Variants in ZC3H15 observed in about 807,000 individuals in gnomAD.
ZC3H15 encodes zinc finger CCCH-type containing 15.
Under a neutral mutation model 51.2 loss-of-function variants are expected in ZC3H15, and 15 were observed. The observed-to-expected ratio is 0.29, with a 90% CI of 0.20 to 0.45. The LOEUF is 0.45. Ranked by LOEUF, ZC3H15 falls within the 20% of genes least tolerant of loss-of-function variation. ZC3H15 has a pLI of 1.00. For missense variants in ZC3H15, 381 were observed against 494.7 expected (o/e 0.77, Z 2.18); for synonymous variants, 144 against 162.8 (o/e 0.88, Z 0.88).
At chr2:186,501,774 C>G (rs550733888) in intron 4 of ZC3H15, among the ~76,000 whole-genome samples, 1 of 151,452 alleles carries the variant, frequency 6.6e-6, no homozygotes, top group African/African-American at 2.4e-5. Context: ...TGCAGTGGCA[C>G]GATCTCAGCT....
chr2:186,495,505 A>G (rs1685267760), intron 2 of ZC3H15, among the ~76,000 whole-genome samples, 171 bp downstream of exon 2: 1 of 152,196 alleles, frequency 6.6e-6, no homozygotes, highest in African/African-American at 2.4e-5. Flanking sequence ...ATATTGTCCA[A>G]GCCATTTTGA....
rs1175862959 is a variant in ZC3H15 at position 186,500,310 on chromosome 2, A to G, written c.289+17A>G. The G allele has an allele frequency of 1.9e-6, 3 of 1,572,414 alleles. No homozygotes were observed. In the African/African-American group the frequency reaches 4.1e-5, roughly 22 times the overall value. On this transcript the variant is annotated intron_variant, in intron 3 of 9. Coordinates refer to ENST00000337859, the MANE Select transcript of ZC3H15 (RefSeq NM_018471.3). The stretch of plus-strand genomic sequence containing the variant: ...TAAGTAAAGGTAAACTTAAAATTTC[A>G]GAAGTGTGATTTTTTATCAAATGTA...
chr2:186,487,536 T>C (rs181940134), intron 1 of ZC3H15, among the ~76,000 whole-genome samples: 10 of 152,356 alleles, frequency 6.6e-5, no homozygotes, highest in Admixed American at 5.9e-4. Flanking sequence ...GTTCCAACTT[T>C]GGAGGAGAAC....
chr2:186,486,320 G>T lies in ZC3H15; in HGVS notation c.-63G>T. On this transcript the variant is annotated 5_prime_UTR_variant, in exon 1 of 10. It adds an upstream start codon to the 5' untranslated region. Transcript: ENST00000337859. ...CGGTCTTCCTCCTCGTCCTGCCGCA[G>T]GGCCAGAACCCCTGACGGTATTCAG... is the stretch of plus-strand genomic sequence containing the variant. 7.0e-7 allele frequency: 1 copy of T among 1,430,150 alleles called. No homozygotes were observed. The highest frequency in any genetic ancestry group is 9.3e-7 in the Non-Finnish European group (1 of 1,078,628). The allele number at this position is 1,430,150 out of a possible 1,614,324, so 88.6% of individuals were successfully genotyped here.
At chr2:186,503,353 TCAAAC>T (rs1289593944) in intron 5 of ZC3H15, among the ~76,000 whole-genome samples, 2 of 152,150 alleles carry the variant, frequency 1.3e-5, no homozygotes, top group Non-Finnish European at 2.9e-5. Context: ...TTAGGAAAGA[TCAAAC>T]CAAAGAAAAT....
intron 5 of ZC3H15, among the ~76,000 whole-genome samples, chr2:186,503,783 G>A (rs941991066): frequency 6.6e-6 from 1 of 152,108 alleles, no homozygotes; most frequent in Non-Finnish European, 1.5e-5. Context: ...TTAGAATTTA[G>A]AACAAATGAA....
intron 1 of ZC3H15, chr2:186,488,614 G>A (rs760773020): frequency 5.3e-5 from 8 of 152,110 alleles, no homozygotes; most frequent in Non-Finnish European, 8.8e-5. Flanking sequence ...TATAATTGAC[G>A]CTTGAAAAAC....
Position 186,486,283 on chromosome 2 carries a change from C to T in ZC3H15, c.-100C>T, listed in dbSNP as rs1279564388. 1.5e-5 allele frequency: 19 copies of T among 1,280,492 alleles called. No individual in the cohort carries two copies. The highest frequency in any genetic ancestry group is 1.9e-5 in the Non-Finnish European group (18 of 971,956). The allele number at this position is 1,280,492 out of a possible 1,614,324, so 79.3% of individuals were successfully genotyped here. On this transcript the variant is annotated 5_prime_UTR_variant, in exon 1 of 10. Transcript: ENST00000337859. ...GCGACTCGCTTTCCGTGCGGTGCGG[C>T]GAGTGAGGCCCCGGTCTTCCTCCTC... is the stretch of plus-strand genomic sequence containing the variant.
chr2:186,493,918 C>T (rs554684103), intron 1 of ZC3H15, among the ~76,000 whole-genome samples: 9 of 149,292 alleles, frequency 6.0e-5, no homozygotes, highest in African/African-American at 2.2e-4. Flanking sequence ...TGAAGACCTA[C>T]GTCCAAATAA....
intron 1 of ZC3H15, among the ~76,000 whole-genome samples, chr2:186,489,396 G>C (rs1436853720): frequency 1.3e-5 from 2 of 152,100 alleles, no homozygotes; most frequent in African/African-American, 2.4e-5. Context: ...TAAAAGCCTA[G>C]CACGTCTCAG....
chr2:186,486,516 C>T, intron 1 of ZC3H15, 59 bp downstream of exon 1: 2 of 1,494,448 alleles, frequency 1.3e-6, no homozygotes, highest in Non-Finnish European at 1.8e-6. Flanking sequence ...CACTTCCCCG[C>T]TCCGGGCTTC....
chr2:186,505,692 A>T (rs1322143812), intron 7 of ZC3H15, 48 bp from the exon 8 acceptor site: 2 of 1,607,248 alleles, frequency 1.2e-6, no homozygotes, highest in South Asian at 2.2e-5. Context: ...AGTGACAAGG[A>T]ATGTTTAGAT....
chr2:186,506,820 T>C lies in ZC3H15; in HGVS notation c.1074T>C (p.Tyr358=). The C allele has an allele frequency of 6.2e-7, 1 of 1,611,430 alleles. No homozygotes were observed. Among genetic ancestry groups the C allele is most frequent in the East Asian group, 2.2e-5 (1 of 44,852 alleles). ...TVASLERFST[Y]TSDKDENKLS... is the part of the protein sequence containing the mutation. ...CCAGTCTTGAAAGATTCAGCACATA[T>C]ACTTCAGATAAAGATGGTAAGTATG... The change falls in exon 9 of 10, where the codon TAT becomes TAC. Residue 358 remains tyrosine, a synonymous_variant. Coordinates refer to ENST00000337859, the MANE Select transcript of ZC3H15 (RefSeq NM_018471.3).
At chr2:186,497,158 T>C in intron 2 of ZC3H15, 1 of 438,426 alleles carries the variant, frequency 2.3e-6, no homozygotes, top group South Asian at 1.7e-5. Context: ...TTTTATCTCC[T>C]TTTCATTAAC....
intron 3 of ZC3H15, chr2:186,500,699 G>A: frequency 2.2e-6 from 1 of 455,942 alleles, no homozygotes; most frequent in Non-Finnish European, 4.4e-6. Context: ...TTTTTGAGAT[G>A]GATTGTTGCT....
chr2:186,508,784 T>G lies in ZC3H15; in HGVS notation c.*51T>G, dbSNP rs777329234. The G allele has an allele frequency of 4.5e-6, 7 of 1,564,058 alleles. No individual in the cohort carries two copies. Among genetic ancestry groups the G allele is most frequent in the Non-Finnish European group, 6.1e-6 (7 of 1,140,900 alleles). Reference sequence around the variant, plus strand: ...AAGTCAGCTCAGCACGAGTTGAAATTGACTACATTAATTTCTTTCCACCTA... The same window carrying G: ...AAGTCAGCTCAGCACGAGTTGAAATGGACTACATTAATTTCTTTCCACCTA... On this transcript the variant is annotated 3_prime_UTR_variant, in exon 10 of 10. Coordinates refer to ENST00000337859, the MANE Select transcript of ZC3H15 (RefSeq NM_018471.3).
intron 1 of ZC3H15, among the ~76,000 whole-genome samples, chr2:186,488,167 T>A (rs1163937940): frequency 1.3e-5 from 2 of 152,282 alleles, no homozygotes; most frequent in Non-Finnish European, 2.9e-5. Flanking sequence ...ATTATTTTTT[T>A]AATTTATTTT....
chr2:186,502,860 C>G (rs1685409015), intron 5 of ZC3H15, among the ~76,000 whole-genome samples: 1 of 152,048 alleles, frequency 6.6e-6, no homozygotes, highest in Non-Finnish European at 1.5e-5. Context: ...TATGGATAAA[C>G]AAAATTACAT....
At chr2:186,500,381 A>G in intron 3 of ZC3H15, 88 bp downstream of exon 3, 2 of 1,112,908 alleles carry the variant, frequency 1.8e-6, no homozygotes, top group Non-Finnish European at 2.6e-6. Context: ...TTCTTTAGAT[A>G]ATGAGACAGT....
Sources: gnomAD v4.1 joint callset for allele counts (sites outside exome capture counted in the v4.1 genomes callset) on GRCh38, gnomAD v4.1.1 for gene constraint, MANE v1.5 for transcripts, NCBI Gene and HGNC (gene_info 2026-07-23, HGNC 2026-07-21) for gene names.